Variants in TENM4 observed in about 807,000 individuals in gnomAD.
TENM4 encodes the protein teneurin-4.
In TENM4, 82 loss-of-function variants were observed where a neutral mutation model predicts 243.3. That is an observed-to-expected ratio of 0.34 (90% CI 0.28 to 0.40). The LOEUF (loss-of-function observed/expected upper bound fraction) is 0.40, where lower values mean the gene tolerates loss of function less well. Ranked by LOEUF, TENM4 falls within the 10% of genes least tolerant of loss-of-function variation. The pLI, the probability that TENM4 is intolerant of heterozygous loss-of-function variation, is 1.00. For synonymous variants in TENM4, 1,412 were observed against 1,456.3 expected (o/e 0.97, Z 0.69); for missense variants, 3,138 against 3,673.3 (o/e 0.85, Z 3.77).
chr11:79,422,995 G>C (rs1858968309), intron 1 of TENM4, among the ~76,000 whole-genome samples: 1 of 152,172 alleles, frequency 6.6e-6, no homozygotes, highest in Admixed American at 6.5e-5. Context: ...GTCTTCTAAA[G>C]TAGACCAACT....
intron 30 of TENM4, among the ~76,000 whole-genome samples, chr11:78,673,171 A>G (rs1271382385): frequency 6.7e-6 from 1 of 149,012 alleles, no homozygotes; most frequent in Non-Finnish European, 1.5e-5. Flanking sequence ...AGAGTCAGAA[A>G]GACAGGGCTC....
At chr11:78,830,525 C>T (rs568640200) in intron 12 of TENM4, among the ~76,000 whole-genome samples, 1 of 152,360 alleles carries the variant, frequency 6.6e-6, no homozygotes, top group Admixed American at 6.5e-5. Context: ...AGCAGACTCC[C>T]CCCTGCTGAG....
At chr11:78,802,970 T>G (rs1427398343) in intron 15 of TENM4, among the ~76,000 whole-genome samples, 1 of 152,174 alleles carries the variant, frequency 6.6e-6, no homozygotes, top group Non-Finnish European at 1.5e-5. Flanking sequence ...AGTGTTTTAA[T>G]CATCATCATA....
At chr11:79,268,312 G>A (rs1269830666) in intron 2 of TENM4, among the ~76,000 whole-genome samples, 1 of 152,216 alleles carries the variant, frequency 6.6e-6, no homozygotes, top group Admixed American at 6.5e-5. Flanking sequence ...TATATGAATA[G>A]ACTGTGTTTC....
rs150589339 is a variant in TENM4, at chr11:79,025,710, G to T, written c.493+39028C>A. Among the ~76,000 whole-genome samples, 262 of 152,248 alleles carry T rather than the reference G, an allele frequency of 1.7e-3. 2 individuals carry two copies. The highest frequency in any genetic ancestry group is 6.2e-3 in the African/African-American group (257 of 41,544). On this transcript the variant is annotated intron_variant, in intron 6 of 33. Coordinates refer to ENST00000278550, the MANE Select transcript of TENM4 (RefSeq NM_001098816.3). ...CCCAGTGTGGGCATTTGCTCTTTAC[G>T]GCTAATCTGCCTGAATCAACATTCC...
intron 13 of TENM4, among the ~76,000 whole-genome samples, chr11:78,813,850 T>C (rs1410394020): frequency 6.6e-6 from 1 of 152,216 alleles, no homozygotes; most frequent in African/African-American, 2.4e-5. Context: ...ATTCTGCCTG[T>C]GCTGTTAGAA....
intron 6 of TENM4, among the ~76,000 whole-genome samples, chr11:78,942,813 CAA>C (rs35375685): frequency 1.2e-3 from 132 of 111,730 alleles, no homozygotes; most frequent in Non-Finnish European, 1.1e-3. Context: ...TCATGACAGA[CAA>C]AAAAAAAAAA....
At chr11:79,195,294 G>T (rs568012448) in intron 3 of TENM4, among the ~76,000 whole-genome samples, 2 of 152,320 alleles carry the variant, frequency 1.3e-5, no homozygotes, top group South Asian at 2.1e-4. Context: ...AGTCCCTACT[G>T]GGGTACTGCC....
intron 6 of TENM4, among the ~76,000 whole-genome samples, chr11:78,939,275 C>T (rs1394060315): frequency 6.6e-6 from 1 of 152,218 alleles, no homozygotes. Flanking sequence ...TGATCTTTCT[C>T]CAAGGCAGAG....
chr11:79,249,822 T>C (rs901723021), intron 2 of TENM4, among the ~76,000 whole-genome samples: 1 of 152,218 alleles, frequency 6.6e-6, no homozygotes, highest in African/African-American at 2.4e-5. Context: ...TTTTGAAGAT[T>C]AAGTCAGAAG....
intron 1 of TENM4, among the ~76,000 whole-genome samples, chr11:79,410,770 G>A (rs1052217852): frequency 6.6e-6 from 1 of 152,200 alleles, no homozygotes; most frequent in African/African-American, 2.4e-5. Context: ...GAGATGTGAA[G>A]TGCCTGGTAC....
chr11:79,357,826 C>T (rs1178335173), intron 1 of TENM4, among the ~76,000 whole-genome samples: 6 of 152,160 alleles, frequency 3.9e-5, no homozygotes, highest in Admixed American at 3.3e-4. Context: ...CCTAAATTAT[C>T]TTGCCCACTT....
chr11:79,139,502 GAAA>G (rs1862218426), intron 4 of TENM4, among the ~76,000 whole-genome samples: 2 of 42,418 alleles, frequency 4.7e-5, no homozygotes, highest in Non-Finnish European at 9.7e-5. Flanking sequence ...TATATTTCTA[GAAA>G]TATATAAAAT....
At chr11:78,838,188 T>C (rs1183460080) in intron 12 of TENM4, among the ~76,000 whole-genome samples, 1 of 152,230 alleles carries the variant, frequency 6.6e-6, no homozygotes, top group Admixed American at 6.5e-5. Context: ...ACATATTTCA[T>C]GTATGTTTAT....
chr11:78,919,556 G>T (rs1591129249), intron 6 of TENM4, among the ~76,000 whole-genome samples: 1 of 152,156 alleles, frequency 6.6e-6, no homozygotes, highest in African/African-American at 2.4e-5. Flanking sequence ...TTTTCCGTTT[G>T]GTTACAAGGC....
At chr11:78,743,391 G>T (rs776748620) in intron 19 of TENM4, among the ~76,000 whole-genome samples, 3 of 152,210 alleles carry the variant, frequency 2.0e-5, no homozygotes, top group Non-Finnish European at 4.4e-5. Context: ...GTGGGGAAAA[G>T]AAAACCTCCT....
intron 1 of TENM4, among the ~76,000 whole-genome samples, chr11:79,346,188 G>A (rs1246642435): frequency 1.3e-5 from 2 of 152,100 alleles, no homozygotes; most frequent in Non-Finnish European, 1.5e-5. Flanking sequence ...TCCTCCTCGC[G>A]ATGATGATCA....
intron 1 of TENM4, among the ~76,000 whole-genome samples, chr11:79,425,141 A>T (rs1263491161): frequency 1.3e-5 from 2 of 152,102 alleles, no homozygotes; most frequent in African/African-American, 4.8e-5. Flanking sequence ...AGCCCAGCTC[A>T]CTCCGCAGGC....
intron 29 of TENM4, among the ~76,000 whole-genome samples, chr11:78,685,565 G>A (rs1858645386): frequency 1.3e-5 from 2 of 152,112 alleles, no homozygotes; most frequent in South Asian, 4.1e-4. Flanking sequence ...TTTTCCCTCT[G>A]CCTAAAAAGT....
Sources: allele counts gnomAD v4.1 joint callset (sites outside exome capture counted in the v4.1 genomes callset), GRCh38; gene constraint gnomAD v4.1.1; transcripts MANE v1.5; gene names NCBI Gene and HGNC (gene_info 2026-07-23, HGNC 2026-07-21).